Variants in THSD7B observed in about 807,000 individuals in gnomAD.
THSD7B encodes the protein thrombospondin type 1 domain containing 7B.
Under a neutral mutation model 213.6 loss-of-function variants are expected in THSD7B, and 138 were observed. The observed-to-expected ratio is 0.65, with a 90% CI of 0.56 to 0.74. The LOEUF (loss-of-function observed/expected upper bound fraction) is 0.74, where lower values mean the gene tolerates loss of function less well. THSD7B is among the 30% of genes least tolerant of loss of function. THSD7B has a pLI of 0.00. For synonymous variants in THSD7B, 742 were observed against 687.0 expected, an observed-to-expected ratio of 1.08 and a Z score of -1.25; for missense variants, 1,931 against 1,991.5, an observed-to-expected ratio of 0.97 and a Z score of 0.58.
At chr2:137,496,026 C>T (rs199990555) in intron 15 of THSD7B, among the ~76,000 whole-genome samples, 1 of 125,360 alleles carries the variant, frequency 8.0e-6, no homozygotes, top group Non-Finnish European at 1.8e-5. Flanking sequence ...ATTGGGGTAT[C>T]TGTTTTACTG....
chr2:137,213,572 T>C (rs1681170590), intron 7 of THSD7B, among the ~76,000 whole-genome samples: 6 of 150,852 alleles, frequency 4.0e-5, no homozygotes. Flanking sequence ...GATAATCATA[T>C]ATAATGATAC....
chr2:137,211,350 A>ACACACACACACACACACAGAGG (rs377696115), intron 7 of THSD7B, among the ~76,000 whole-genome samples: 109 of 138,954 alleles, frequency 7.8e-4, no homozygotes, highest in African/African-American at 2.4e-3. Flanking sequence ...ACACACACAC[A>ACACACACACACACACACAGAGG]CACACACACA....
chr2:137,557,013 C>T (rs1341373990), intron 15 of THSD7B, among the ~76,000 whole-genome samples: 1 of 152,058 alleles, frequency 6.6e-6, no homozygotes, highest in Admixed American at 6.6e-5. Context: ...ATATATGCAC[C>T]CAATACAGGA....
chr2:137,468,725 G>A (rs1429678155), intron 15 of THSD7B, among the ~76,000 whole-genome samples: 1 of 152,036 alleles, frequency 6.6e-6, no homozygotes, highest in African/African-American at 2.4e-5. Context: ...AAAATAGTTA[G>A]CATGTATATT....
chr2:137,577,492 G>T (rs1324471058), intron 17 of THSD7B, among the ~76,000 whole-genome samples: 2 of 151,854 alleles, frequency 1.3e-5, no homozygotes, highest in Non-Finnish European at 2.9e-5. Flanking sequence ...CTCTCCCTTT[G>T]CCCCGACACC....
intron 3 of THSD7B, among the ~76,000 whole-genome samples, chr2:137,074,776 G>A (rs1687581418): frequency 6.6e-6 from 1 of 152,128 alleles, no homozygotes; most frequent in East Asian, 1.9e-4. Flanking sequence ...TTTAGGGCAG[G>A]CCTGGTGGTG....
chr2:136,830,367 A>C (rs1682731923), intron 1 of THSD7B, among the ~76,000 whole-genome samples: 1 of 151,984 alleles, frequency 6.6e-6, no homozygotes, highest in African/African-American at 2.4e-5. Flanking sequence ...AAAGGAATAA[A>C]ATGAGAAAAT....
In THSD7B at chr2:136,920,509, TCCATGGGTGG is replaced by T. The variant is rs895767405; in HGVS notation, c.139+38200_139+38209del. Among the ~76,000 whole-genome samples the T allele has an allele frequency of 4.6e-5, 7 of 152,088 alleles. No individual in the cohort carries two copies. The East Asian group carries it at 1.3e-3, about 29-fold the overall frequency. ...AAAGAAGGAAGTGGGTGCTGATTGG[TCCATGGGTGG>T]CCATGGGCAGACCTGGAAAAAGTAC... On this transcript the variant is annotated intron_variant, in intron 2 of 27. Coordinates refer to ENST00000409968, the MANE Select transcript of THSD7B (RefSeq NM_001316349.2).
intron 4 of THSD7B, 84 bp from the exon 5 acceptor site, chr2:137,115,040 C>T: frequency 6.6e-7 from 1 of 1,504,130 alleles, no homozygotes. Context: ...GATTATGCCT[C>T]TTGATGTCAT....
intron 7 of THSD7B, among the ~76,000 whole-genome samples, chr2:137,226,877 TACATACAA>T (rs1681518545): frequency 1.4e-5 from 2 of 146,808 alleles, no homozygotes; most frequent in Non-Finnish European, 3.1e-5. Context: ...TTTCAGTATA[TACATACAA>T]TGGAATATTG....
intron 7 of THSD7B, among the ~76,000 whole-genome samples, chr2:137,210,065 A>T (rs1681066996): frequency 6.6e-6 from 1 of 152,124 alleles, no homozygotes; most frequent in Non-Finnish European, 1.5e-5. Flanking sequence ...CTTAGGAGAG[A>T]CCAACCCTGT....
chr2:137,086,011 G>A (rs1035157037), intron 3 of THSD7B, among the ~76,000 whole-genome samples: 42 of 152,200 alleles, frequency 2.8e-4, no homozygotes, highest in African/African-American at 9.6e-4. Flanking sequence ...GTCTGTGTGC[G>A]TGTGTGTACT....
chr2:137,398,863 T>G lies in THSD7B; in HGVS notation c.2501-6750T>G, dbSNP rs564548696. 1.3e-3 allele frequency among the ~76,000 whole-genome samples: 194 copies of G among 152,290 alleles called. 1 individual carries two copies. The highest frequency in any genetic ancestry group is 4.3e-3 in the African/African-American group (180 of 41,580). ...CAAGCCAGGTGCGGGATATAATCTC[T>G]TGGTGCACCGTTTTTTAAGCCTGTC... On this transcript the variant is annotated intron_variant, in intron 12 of 27. Coordinates refer to ENST00000409968, the MANE Select transcript of THSD7B (RefSeq NM_001316349.2).
chr2:137,602,558 G>A (rs190933392), intron 17 of THSD7B, among the ~76,000 whole-genome samples: 43 of 152,148 alleles, frequency 2.8e-4, no homozygotes, highest in Middle Eastern at 3.4e-3. Flanking sequence ...GTGAGCCACC[G>A]CGCCCTGCCA....
chr2:137,614,935 G>A lies in THSD7B; in HGVS notation c.3424-1240G>A, dbSNP rs552760142. Among the ~76,000 whole-genome samples, 7 of 152,216 alleles carry A rather than the reference G, an allele frequency of 4.6e-5. No homozygotes were observed. The East Asian group carries it at 1.3e-3, about 29-fold the overall frequency. ...TCTGAAAGAGGAATAGGAATAAAAA[G>A]CAAATAAAATATCCCACTTATAGAA... On this transcript the variant is annotated intron_variant, in intron 17 of 27. Coordinates refer to ENST00000409968, the MANE Select transcript of THSD7B (RefSeq NM_001316349.2).
intron 9 of THSD7B, among the ~76,000 whole-genome samples, chr2:137,240,793 G>A (rs956488561): frequency 6.6e-6 from 1 of 152,160 alleles, no homozygotes; most frequent in African/African-American, 2.4e-5. Flanking sequence ...GGGATTACTA[G>A]TTTCTCCTCT....
intron 7 of THSD7B, among the ~76,000 whole-genome samples, chr2:137,173,294 T>A (rs920096): frequency 0.28 from 42,842 of 152,122 alleles, 6,848 homozygotes; most frequent in Non-Finnish European, 0.35. Flanking sequence ...CCATAACTAA[T>A]TCTTCCTCCC....
intron 2 of THSD7B, among the ~76,000 whole-genome samples, chr2:137,045,822 G>A (rs1486536096): frequency 2.0e-5 from 3 of 152,060 alleles, no homozygotes; most frequent in African/African-American, 4.8e-5. Flanking sequence ...TATTCCATGG[G>A]CTTTATGGAG....
chr2:137,269,054 C>A (rs1048089369), intron 10 of THSD7B, among the ~76,000 whole-genome samples: 1 of 152,170 alleles, frequency 6.6e-6, no homozygotes, highest in Middle Eastern at 3.4e-3. Context: ...CATACACACA[C>A]AAACACACAG....
Sources: allele counts gnomAD v4.1 joint callset (sites outside exome capture counted in the v4.1 genomes callset), GRCh38; gene constraint gnomAD v4.1.1; transcripts MANE v1.5; gene names NCBI Gene and HGNC (gene_info 2026-07-23, HGNC 2026-07-21).